Variants in CHSY3 observed in about 807,000 individuals in gnomAD.
CHSY3 encodes the protein chondroitin sulfate synthase 3.
A neutral mutation model predicts 67.2 loss-of-function variants in CHSY3; 35 were observed. The observed-to-expected ratio is 0.52, with a 90% CI of 0.40 to 0.69. The LOEUF is 0.69. CHSY3 is among the 30% of genes least tolerant of loss of function. CHSY3 has a pLI of 0.00. For missense variants in CHSY3, 1,069 were observed against 1,138.5 expected (o/e 0.94, Z 0.88); for synonymous variants, 474 against 434.7 (o/e 1.09, Z -1.12).
chr5:129,955,420 A>G (rs1762143355), intron 2 of CHSY3, among the ~76,000 whole-genome samples: 1 of 151,212 alleles, frequency 6.6e-6, no homozygotes, highest in South Asian at 2.1e-4. Context: ...TTTGTTTTTA[A>G]TATTTTTTCC....
Position 129,905,149 on chromosome 5 carries a change from C to T in CHSY3, c.320C>T (p.Pro107Leu). 5 of 1,530,918 alleles carry T rather than the reference C, an allele frequency of 3.3e-6. No individual in the cohort carries two copies. In the Middle Eastern group the frequency reaches 5.3e-4, roughly 162 times the overall value. The allele number at this position is 1,530,918 out of a possible 1,614,324, so 94.8% of individuals were successfully genotyped here. Residue 107 changes from proline to leucine, a missense_variant, in exon 1 of 3, where the codon CCT (proline) becomes CTT (leucine). Coordinates refer to ENST00000305031, the MANE Select transcript of CHSY3 (RefSeq NM_175856.5). ...CGAAGCAGCCCCTGGCAGCAGCCACCTCCGCTGCAGCAGCGGCGGCGAGGA... is the reference window on the plus strand; with the variant it reads ...CGAAGCAGCCCCTGGCAGCAGCCACTTCCGCTGCAGCAGCGGCGGCGAGGA... ...SFRSSPWQQP[P>L]PLQQRRRGRE... is the part of the protein sequence containing the mutation.
At chr5:130,032,667 T>A (rs1764735993) in intron 2 of CHSY3, among the ~76,000 whole-genome samples, 1 of 152,012 alleles carries the variant, frequency 6.6e-6, no homozygotes, top group Non-Finnish European at 1.5e-5. Context: ...TCTGAGGGCA[T>A]AAAATGAGTA....
At chr5:129,924,515 A>T (rs906547304) in intron 2 of CHSY3, among the ~76,000 whole-genome samples, 1 of 151,788 alleles carries the variant, frequency 6.6e-6, no homozygotes, top group Non-Finnish European at 1.5e-5. Flanking sequence ...GCATGGTGGC[A>T]TGTGCCTGTA....
chr5:130,011,740 T>C (rs1238664794), intron 2 of CHSY3, among the ~76,000 whole-genome samples: 1 of 152,198 alleles, frequency 6.6e-6, no homozygotes, highest in Non-Finnish European at 1.5e-5. Flanking sequence ...CAAAGGCTCC[T>C]AGATCTGATA....
At position 129,905,407 on chromosome 5, in the gene CHSY3, G is replaced by T. The variant is rs775318987; in HGVS notation, c.578G>T (p.Arg193Leu). 3 of 1,608,524 alleles carry T rather than the reference G, an allele frequency of 1.9e-6. No individual in the cohort carries two copies. In the South Asian group the frequency reaches 3.3e-5, roughly 18 times the overall value. The change falls in exon 1 of 3, where the codon CGG becomes CTG. Residue 193 changes from arginine (R) to leucine (L), a missense_variant. This residue lies in a region of CHSY3 where 216 missense variants were observed against 311.5 expected (regional missense o/e 0.69). Transcript: ENST00000305031. ...GGCAGCCGCGCGCTGGCCGCGCAGCGGACCTGGGCGCGTTTCATCCCGGGC... is the reference window on the plus strand; with the variant it reads ...GGCAGCCGCGCGCTGGCCGCGCAGCTGACCTGGGCGCGTTTCATCCCGGGC... Reference protein sequence around the residue: ...YLGSRALAAQRTWARFIPGRV... With the variant: ...YLGSRALAAQLTWARFIPGRV...
intron 2 of CHSY3, among the ~76,000 whole-genome samples, chr5:130,037,689 A>G (rs1209588557): frequency 6.6e-6 from 1 of 152,070 alleles, no homozygotes; most frequent in Admixed American, 6.6e-5. Flanking sequence ...TAAAATTAAC[A>G]ATGTAATTTA....
At chr5:130,015,613 A>G (rs1282668745) in intron 2 of CHSY3, among the ~76,000 whole-genome samples, 1 of 152,240 alleles carries the variant, frequency 6.6e-6, no homozygotes, top group Admixed American at 6.5e-5. Flanking sequence ...TTGTGGAGAA[A>G]GGGGAAGACT....
chr5:130,084,620 GAC>G (rs1428953721), intron 2 of CHSY3, among the ~76,000 whole-genome samples: 3 of 151,448 alleles, frequency 2.0e-5, no homozygotes, highest in Admixed American at 6.6e-5. Flanking sequence ...TATTTAATAA[GAC>G]ATCAAAAGAA....
chr5:130,021,449 A>G lies in CHSY3; in HGVS notation c.1086+113089A>G, dbSNP rs537557678. On this transcript the variant is annotated intron_variant, in intron 2 of 2. Coordinates refer to ENST00000305031, the MANE Select transcript of CHSY3 (RefSeq NM_175856.5). Reference sequence around the variant, plus strand: ...ATCTTTTCTTCATATCCTACCAAATATGAGGAGAGAATAAATAGAAAATAA... The same window carrying G: ...ATCTTTTCTTCATATCCTACCAAATGTGAGGAGAGAATAAATAGAAAATAA... Among the ~76,000 whole-genome samples the G allele has an allele frequency of 2.6e-4, 40 of 152,270 alleles. No homozygotes were observed. The South Asian group carries it at 5.0e-3, about 19-fold the overall frequency.
intron 2 of CHSY3, among the ~76,000 whole-genome samples, chr5:130,143,794 A>ATATATATGTG (rs1768972811): frequency 3.3e-5 from 3 of 90,868 alleles, no homozygotes; most frequent in African/African-American, 1.5e-4. Flanking sequence ...GTATATATAT[A>ATATATATGTG]TATATATATA....
chr5:130,005,434 A>C (rs918752228), intron 2 of CHSY3, among the ~76,000 whole-genome samples: 17 of 152,050 alleles, frequency 1.1e-4, no homozygotes, highest in African/African-American at 3.1e-4. Context: ...AAACAACAAA[A>C]AAAAAAACAC....
intron 2 of CHSY3, among the ~76,000 whole-genome samples, chr5:130,143,756 A>ATATATATATATATATATGTGTGTGTG (rs1433405052): frequency 2.9e-5 from 3 of 101,910 alleles, no homozygotes; most frequent in African/African-American, 1.4e-4. Flanking sequence ...ATATATATAT[A>ATATATATATATATATATGTGTGTGTG]TGTGTGTGTG....
rs752597420 is a variant in CHSY3 at position 129,908,150 on chromosome 5, G to C, written c.876G>C (p.Gly292=). ...KPLYLGQTGL[G]NIEELGKLGL... ...TCTACCTGGGACAGACTGGCCTGGG[G>C]AATATTGAAGAGCTTGGAAAGCTGG... Residue 292 remains glycine, a synonymous_variant, in exon 2 of 3, where the codon GGG becomes GGC. Transcript: ENST00000305031. 9 of 1,614,204 alleles carry C rather than the reference G, an allele frequency of 5.6e-6. No individual in the cohort carries two copies. Among genetic ancestry groups the C allele is most frequent in the South Asian group, 1.1e-5 (1 of 91,084 alleles).
chr5:130,014,368 G>A (rs1764151867), intron 2 of CHSY3, among the ~76,000 whole-genome samples: 1 of 152,184 alleles, frequency 6.6e-6, no homozygotes, highest in African/African-American at 2.4e-5. Context: ...CCAAAAGTGG[G>A]TAATTTATAA....
At chr5:130,066,322 T>C (rs533202162) in intron 2 of CHSY3, among the ~76,000 whole-genome samples, 1 of 152,208 alleles carries the variant, frequency 6.6e-6, no homozygotes, top group East Asian at 1.9e-4. Context: ...TAATACCGCA[T>C]GATGAATCCA....
At chr5:129,934,209 CATAAT>C (rs1761414586) in intron 2 of CHSY3, among the ~76,000 whole-genome samples, 1 of 151,990 alleles carries the variant, frequency 6.6e-6, no homozygotes, top group Admixed American at 6.6e-5. Context: ...ATGCTTATGA[CATAAT>C]ATGTGAAAAG....
intron 2 of CHSY3, among the ~76,000 whole-genome samples, chr5:130,077,784 G>T (rs1766317309): frequency 6.6e-6 from 1 of 151,106 alleles, no homozygotes; most frequent in South Asian, 2.1e-4. Flanking sequence ...TTGTAGTTCT[G>T]ACATATATAT....
rs35144419 is a variant in CHSY3 at position 130,056,269 on chromosome 5, TAA to T, written c.1087-127948_1087-127947del. ...TGGTTCATCAGAAAGAGAAGTTTGT[TAA>T]AAAAAAAAAAACTGGGCAGTTAATC... On this transcript the variant is annotated intron_variant, in intron 2 of 2. Transcript: ENST00000305031. Among the ~76,000 whole-genome samples, 662 of 144,534 alleles carry T rather than the reference TAA, an allele frequency of 4.6e-3. 5 individuals are homozygous for T. Among genetic ancestry groups the T allele is most frequent in the African/African-American group, 0.015 (594 of 40,062 alleles). 94.8% of individuals were successfully genotyped at this position (144,534 alleles called of 152,430 possible). A position where few individuals can be genotyped will look rare whatever the true frequency, so the allele number is the denominator to read the frequency against.
At chr5:130,092,102 C>T (rs1580725705) in intron 2 of CHSY3, among the ~76,000 whole-genome samples, 2 of 152,240 alleles carry the variant, frequency 1.3e-5, no homozygotes, top group South Asian at 2.1e-4. Context: ...AGTGTTTACT[C>T]ATCCTCCCTC....
Sources: gnomAD v4.1 joint callset for allele counts (sites outside exome capture counted in the v4.1 genomes callset) on GRCh38, gnomAD v4.1.1 for gene constraint, gnomAD v4.1.1 regional missense constraint, MANE v1.5 for transcripts, NCBI Gene and HGNC (gene_info 2026-07-23, HGNC 2026-07-21) for gene names.